The following VPS52 variants were observed in gnomAD, a reference collection of about 807,000 sequenced individuals.
The protein encoded by VPS52 is vacuolar protein sorting-associated protein 52 homolog.
In VPS52, 56 loss-of-function variants were observed where a neutral mutation model predicts 98.7. The observed-to-expected ratio is 0.57, with a 90% CI of 0.46 to 0.71. The LOEUF is 0.71. VPS52 is among the 30% of genes least tolerant of loss of function. The pLI is 0.00. For synonymous variants in VPS52, 348 were observed against 346.4 expected, an observed-to-expected ratio of 1.00 and a Z score of -0.05; for missense variants, 742 against 925.9, an observed-to-expected ratio of 0.80 and a Z score of 2.58.
intron 4 of VPS52, 38 bp downstream of exon 4, chr6:33,269,706 T>G (rs111767463): frequency 1.2e-6 from 2 of 1,603,150 alleles, no homozygotes; most frequent in Middle Eastern, 1.7e-4. Context: ...AAAATCCCCA[T>G]GTCAATAGCA....
intron 12 of VPS52, among the ~76,000 whole-genome samples, chr6:33,265,571 C>A (rs1347536030): frequency 6.6e-6 from 1 of 152,146 alleles, no homozygotes. Context: ...AAGGTCTTGC[C>A]GCATTGCCCA....
chr6:33,271,588 G>C lies in VPS52; in HGVS notation c.88C>G (p.Leu30Val). 2 of 1,604,582 alleles carry C rather than the reference G, an allele frequency of 1.2e-6. No individual in the cohort carries two copies. The highest frequency in any genetic ancestry group is 4.5e-5 in the East Asian group (2 of 44,342). Residue 30 changes from leucine (L) to valine (V), a missense_variant and splice_region_variant, in exon 1 of 20, where the codon CTG (leucine) becomes GTG (valine). This residue lies in a region of VPS52 where 152 missense variants were observed against 132.6 expected (regional missense o/e 1.15). Coordinates refer to ENST00000445902, the MANE Select transcript of VPS52 (RefSeq NM_022553.6). ...TSDMEEEEGP[L>V]AGGPGLQEPL... ...GAGAAACAGCTCCGCGCTCTCACCA[G>C]CGGGCCCTCTTCCTCCTCCATATCT...
At chr6:33,264,728 C>A in intron 13 of VPS52, 54 bp downstream of exon 13, 3 of 1,549,902 alleles carry the variant, frequency 1.9e-6, no homozygotes, top group Non-Finnish European at 2.7e-6. Context: ...CAGAGTCATG[C>A]AAGACCAAGA....
chr6:33,267,946 G>A lies in VPS52; in HGVS notation c.852C>T (p.Ile284=). 6.2e-7 allele frequency: 1 copy of A among 1,613,070 alleles called. No individual in the cohort carries two copies. The highest frequency in any genetic ancestry group is 8.5e-7 in the Non-Finnish European group (1 of 1,180,036). ...TCAGCGTCTCCACATATTCATCCCT[G>A]ATCTCCTTTGCTGTTGCTCGTTCAT... ...LGNERATAKE[I]RDEYVETLSK... is the part of the protein sequence containing the mutation. The change falls in exon 9 of 20, where the codon ATC becomes ATT. Residue 284 remains isoleucine, a synonymous_variant. Transcript: ENST00000445902. This position sits in a 1 kb window ranked among gnomAD's most constrained non-coding sequence, Gnocchi z 4.2.
intron 17 of VPS52, among the ~76,000 whole-genome samples, chr6:33,262,912 G>A (rs1239787267): frequency 3.3e-5 from 5 of 152,012 alleles, no homozygotes; most frequent in Admixed American, 2.6e-4. Flanking sequence ...GGAGAAGGTG[G>A]GGATGATTAA....
At chr6:33,270,328 G>A (rs1411861050) in intron 1 of VPS52, 45 bp from the exon 2 acceptor site, 2 of 1,545,554 alleles carry the variant, frequency 1.3e-6, no homozygotes, top group African/African-American at 1.4e-5. Flanking sequence ...GTGAAAGACA[G>A]AAAGAAAAAA....
chr6:33,263,420 G>A, intron 17 of VPS52, 64 bp downstream of exon 17: 1 of 929,470 alleles, frequency 1.1e-6, no homozygotes, highest in Non-Finnish European at 1.5e-6. Context: ...CACACAGAGA[G>A]AGAGAGAGAG....
rs1191323549 is a variant in VPS52 at position 33,263,553 on chromosome 6, A to C, written c.1729-4T>G. ...TGCTGTCATCTGCAGCCCGCTCCTA[A>C]GGGAAGACAAAGGGAAATGTCTAGT... On this transcript the variant is annotated splice_polypyrimidine_tract_variant and splice_region_variant and intron_variant, in intron 16 of 19. Transcript: ENST00000445902. 1 of 1,614,090 alleles carries C rather than the reference A, an allele frequency of 6.2e-7. No homozygotes were observed. The highest frequency in any genetic ancestry group is 8.5e-7 in the Non-Finnish European group (1 of 1,180,018).
rs1227994623 is a variant in VPS52, at chr6:33,266,810, G to A, written c.1126-98C>T. ...GAAAATCAGTAAACCTGAGTAATAA[G>A]AGCTAGGCAGACCCTTCGCATCTAT... On this transcript the variant is annotated intron_variant, in intron 11 of 19. Coordinates refer to ENST00000445902, the MANE Select transcript of VPS52 (RefSeq NM_022553.6). 2.1e-6 allele frequency: 3 copies of A among 1,445,600 alleles called. No individual in the cohort carries two copies. In the East Asian group the frequency reaches 7.0e-5, roughly 34 times the overall value. 89.5% of individuals were successfully genotyped at this position (1,445,600 alleles called of 1,614,324 possible). A position where few individuals can be genotyped will look rare whatever the true frequency, so the allele number is the denominator to read the frequency against.
At chr6:33,269,261 T>C (rs1764706157) in intron 5 of VPS52, 72 bp from the exon 6 acceptor site, 3 of 1,580,520 alleles carry the variant, frequency 1.9e-6, no homozygotes, top group East Asian at 2.2e-5. Flanking sequence ...AAAGACTCTT[T>C]GTGAAGTCTT....
In VPS52 at chr6:33,264,399, C is replaced by G. The variant is rs760650425; in HGVS notation, c.1499G>C (p.Gly500Ala). The change falls in exon 14 of 20, where the codon GGG becomes GCG. Residue 500 changes from glycine to alanine, a missense_variant. Physicochemically the swap from Gly to Ala is moderately conservative, Grantham distance 60 (BLOSUM62 0). Around this residue, in one of 2 missense-constraint regions of VPS52, gnomAD observed 590 missense variants for 793.3 expected, o/e 0.74. Transcript: ENST00000445902. ...ATAGTGGGGCCGAGTATCCAACCCC[C>G]CTAGGCGCTGGGGGTCAGTGCTTCG... is the stretch of plus-strand genomic sequence containing the variant. ...SVRSTDPQRL[G>A]GLDTRPHYIT... 14 of 1,614,100 alleles carry G rather than the reference C, an allele frequency of 8.7e-6. No individual in the cohort carries two copies. Among genetic ancestry groups the G allele is most frequent in the Admixed American group, 6.7e-5 (4 of 60,000 alleles).
In VPS52 at chr6:33,263,555, G is replaced by A. The variant is rs778862982; in HGVS notation, c.1729-6C>T. 3 of 1,613,946 alleles carry A rather than the reference G, an allele frequency of 1.9e-6. No homozygotes were observed. The highest frequency in any genetic ancestry group is 2.5e-6 in the Non-Finnish European group (3 of 1,180,036). ...CTGTCATCTGCAGCCCGCTCCTAAG[G>A]GAAGACAAAGGGAAATGTCTAGTTT... On this transcript the variant is annotated splice_polypyrimidine_tract_variant and splice_region_variant and intron_variant, in intron 16 of 19. Coordinates refer to ENST00000445902, the MANE Select transcript of VPS52 (RefSeq NM_022553.6).
chr6:33,255,764 C>CACCACTG (rs1762865601), intron 17 of VPS52, among the ~76,000 whole-genome samples: 1 of 150,096 alleles, frequency 6.7e-6, no homozygotes, highest in Non-Finnish European at 1.5e-5. Flanking sequence ...CTGCACCACT[C>CACCACTG]CAGCCTGGGA....
chr6:33,264,072 G>A lies in VPS52; in HGVS notation c.1556C>T (p.Ala519Val). ...AATTGTCTGGTTGATACTGACAAGA[G>A]CGGAGGAGAACTCTGCATAGCGGCG... Reference protein sequence around the residue: ...ITRRYAEFSSALVSINQTIPN... With the variant: ...ITRRYAEFSSVLVSINQTIPN... The change falls in exon 15 of 20, where the codon GCT becomes GTT. Residue 519 changes from alanine to valine, a missense_variant. By Grantham distance (64) the Ala-to-Val change is moderately conservative. Coordinates refer to ENST00000445902, the MANE Select transcript of VPS52 (RefSeq NM_022553.6). 1 of 1,614,192 alleles carries A rather than the reference G, an allele frequency of 6.2e-7. No homozygotes were observed. The highest frequency in any genetic ancestry group is 8.5e-7 in the Non-Finnish European group (1 of 1,180,034).
intron 17 of VPS52, among the ~76,000 whole-genome samples, chr6:33,259,963 G>T (rs1179772632): frequency 6.6e-6 from 1 of 152,118 alleles, no homozygotes; most frequent in Non-Finnish European, 1.5e-5. Context: ...ATACCCAAGA[G>T]AAACTTTTGA....
Position 33,271,636 on chromosome 6 carries a change from G to C in VPS52, c.40C>G (p.Leu14Val). ...TCTGAGGTCCCAGCCCGCAACACCAGTTCCCGGGCCGCAGCCGCCATGGTC... is the reference window on the plus strand; with the variant it reads ...TCTGAGGTCCCAGCCCGCAACACCACTTCCCGGGCCGCAGCCGCCATGGTC... ...AATMAAAARE[L>V]VLRAGTSDME... is the part of the protein sequence containing the mutation. Residue 14 changes from leucine to valine, a missense_variant, in exon 1 of 20, where the codon CTG (leucine) becomes GTG (valine). Leu to Val is a conservative substitution (Grantham distance 32, BLOSUM62 1). Around this residue, in one of 2 missense-constraint regions of VPS52, gnomAD observed 152 missense variants for 132.6 expected, o/e 1.15. Coordinates refer to ENST00000445902, the MANE Select transcript of VPS52 (RefSeq NM_022553.6). 2.5e-6 allele frequency: 4 copies of C among 1,611,228 alleles called. No homozygotes were observed. The highest frequency in any genetic ancestry group is 2.5e-6 in the Non-Finnish European group (3 of 1,178,474).
At chr6:33,266,959 C>T (rs1049214515) in intron 11 of VPS52, among the ~76,000 whole-genome samples, 1 of 152,180 alleles carries the variant, frequency 6.6e-6, no homozygotes, top group Non-Finnish European at 1.5e-5. Context: ...ACACCTGCCT[C>T]TGACTGTCAT....
chr6:33,266,731 A>G lies in VPS52; in HGVS notation c.1126-19T>C. On this transcript the variant is annotated intron_variant, in intron 11 of 19. Transcript: ENST00000445902. ...ATGGATACTGGGAGAGGAGGAGTAA[A>G]GAAGAAAAACAGAAGGGATGGACCC... 2 of 1,593,168 alleles carry G rather than the reference A, an allele frequency of 1.3e-6. No individual in the cohort carries two copies. Among genetic ancestry groups the G allele is most frequent in the South Asian group, 2.3e-5 (2 of 88,682 alleles).
intron 17 of VPS52, among the ~76,000 whole-genome samples, chr6:33,259,755 A>G (rs1427124823): frequency 6.6e-6 from 1 of 152,136 alleles, no homozygotes; most frequent in Non-Finnish European, 1.5e-5. Context: ...CATCTTTAGC[A>G]GCATCCTTGG....
Sources: gnomAD v4.1 joint callset for allele counts (sites outside exome capture counted in the v4.1 genomes callset) on GRCh38, gnomAD v4.1.1 for gene constraint, gnomAD v4.1.1 regional missense constraint, Gnocchi (gnomAD v3.1) non-coding constraint, MANE v1.5 for transcripts, NCBI Gene and HGNC (gene_info 2026-07-23, HGNC 2026-07-21) for gene names.